Variants in KIAA1549L observed in about 807,000 individuals in gnomAD.
KIAA1549L encodes the protein KIAA1549 like.
Under a neutral mutation model 160.7 loss-of-function variants are expected in KIAA1549L, and 88 were observed. The observed-to-expected ratio is 0.55, with a 90% confidence interval of 0.46 to 0.65. The LOEUF is 0.65. Ranked by LOEUF, KIAA1549L falls within the 30% of genes least tolerant of loss-of-function variation. The pLI is 0.00. For synonymous variants in KIAA1549L, 950 were observed against 976.7 expected, an observed-to-expected ratio of 0.97 and a Z score of 0.51; for missense variants, 2,258 against 2,437.5, an observed-to-expected ratio of 0.93 and a Z score of 1.55.
At chr11:33,377,239 T>C (rs1447139466) in intron 1 of KIAA1549L, among the ~76,000 whole-genome samples, 1 of 152,202 alleles carries the variant, frequency 6.6e-6, no homozygotes, top group African/African-American at 2.4e-5. Context: ...TTGGGCTCTC[T>C]GTTGAGTGTC....
At chr11:33,627,602 T>G (rs1420802180) in intron 16 of KIAA1549L, among the ~76,000 whole-genome samples, 4 of 152,216 alleles carry the variant, frequency 2.6e-5, no homozygotes, top group African/African-American at 9.7e-5. Context: ...TCGGTGGTGA[T>G]ATCCCCTTTA....
intron 3 of KIAA1549L, among the ~76,000 whole-genome samples, chr11:33,546,867 TCAA>T (rs1474159841): frequency 6.6e-6 from 1 of 152,150 alleles, no homozygotes; most frequent in African/African-American, 2.4e-5. Context: ...GCAGTCAAGG[TCAA>T]CAACAACCAG....
At chr11:33,500,351 C>A (rs900602412) in intron 1 of KIAA1549L, among the ~76,000 whole-genome samples, 9 of 152,112 alleles carry the variant, frequency 5.9e-5, no homozygotes, top group African/African-American at 1.7e-4. Flanking sequence ...TAAAGACTCT[C>A]AAAAAGTGCC....
intron 1 of KIAA1549L, among the ~76,000 whole-genome samples, chr11:33,451,593 T>A (rs555702860): frequency 6.6e-6 from 1 of 152,374 alleles, no homozygotes; most frequent in Admixed American, 6.5e-5. Context: ...ATTTGTTTGC[T>A]TTGTAGCTGA....
At chr11:33,472,967 A>G (rs1253899276) in intron 1 of KIAA1549L, among the ~76,000 whole-genome samples, 2 of 152,162 alleles carry the variant, frequency 1.3e-5, no homozygotes, top group African/African-American at 4.8e-5. Context: ...GAACATGAGT[A>G]GGGGCTGCTT....
chr11:33,452,975 C>T (rs879771049), intron 1 of KIAA1549L, among the ~76,000 whole-genome samples: 3 of 152,204 alleles, frequency 2.0e-5, no homozygotes, highest in African/African-American at 7.2e-5. Flanking sequence ...GTGACTCAGA[C>T]ATGGCCAGAA....
intron 1 of KIAA1549L, among the ~76,000 whole-genome samples, chr11:33,440,373 G>T (rs540364636): frequency 3.3e-5 from 5 of 151,304 alleles, no homozygotes; most frequent in Non-Finnish European, 5.9e-5. Context: ...CTCGTGATCC[G>T]CCCGCCTCGG....
chr11:33,440,376 C>T (rs1460058175), intron 1 of KIAA1549L, among the ~76,000 whole-genome samples: 3 of 151,250 alleles, frequency 2.0e-5, no homozygotes, highest in Non-Finnish European at 4.4e-5. Flanking sequence ...GTGATCCGCC[C>T]GCCTCGGCCT....
intron 6 of KIAA1549L, among the ~76,000 whole-genome samples, chr11:33,552,994 A>G (rs979809723): frequency 3.9e-5 from 6 of 152,148 alleles, no homozygotes; most frequent in African/African-American, 1.4e-4. Flanking sequence ...TCCCTGGGAA[A>G]TGAATCATGG....
At chr11:33,667,166 C>T (rs895612764) in intron 20 of KIAA1549L, among the ~76,000 whole-genome samples, 5 of 152,148 alleles carry the variant, frequency 3.3e-5, no homozygotes, top group Non-Finnish European at 7.4e-5. Flanking sequence ...CACTGCACTA[C>T]AGCCTGGATG....
At chr11:33,563,663 T>C (rs1375263413) in intron 8 of KIAA1549L, among the ~76,000 whole-genome samples, 1 of 152,134 alleles carries the variant, frequency 6.6e-6, no homozygotes, top group Admixed American at 6.5e-5. Flanking sequence ...TTTTACCTGC[T>C]AAGAAGGCAA....
intron 1 of KIAA1549L, among the ~76,000 whole-genome samples, chr11:33,458,416 G>T (rs1201172504): frequency 3.9e-5 from 6 of 152,220 alleles, no homozygotes; most frequent in African/African-American, 1.2e-4. Context: ...TGACTGGATA[G>T]CTTCAAGTCA....
At chr11:33,535,263 T>C (rs531647862) in intron 1 of KIAA1549L, among the ~76,000 whole-genome samples, 5 of 152,318 alleles carry the variant, frequency 3.3e-5, no homozygotes, top group Admixed American at 6.5e-5. Flanking sequence ...GGCTTTCCCA[T>C]TGTGGCCTCT....
chr11:33,629,404 C>T lies in KIAA1549L; in HGVS notation c.5409+10742C>T, dbSNP rs1433911227. On this transcript the variant is annotated intron_variant, in intron 16 of 20. Coordinates refer to ENST00000658780, the MANE Select transcript of KIAA1549L (RefSeq NM_012194.3). ...GTGTTTTCCAACTTGGTTCCATTCT[C>T]CCCATGACTTTCAGGTACACCAATC... Among the ~76,000 whole-genome samples, 7 of 152,320 alleles carry T rather than the reference C, an allele frequency of 4.6e-5. 1 individual carries two copies. Among genetic ancestry groups the T allele is most frequent in the Admixed American group, 4.6e-4 (7 of 15,304 alleles).
At chr11:33,525,986 AAGAG>A (rs1180093281) in intron 1 of KIAA1549L, among the ~76,000 whole-genome samples, 1 of 151,924 alleles carries the variant, frequency 6.6e-6, no homozygotes, top group Non-Finnish European at 1.5e-5. Flanking sequence ...GCCCTGCCCA[AAGAG>A]AGTCTGAGTT....
chr11:33,509,446 C>G (rs1848580400), intron 1 of KIAA1549L, among the ~76,000 whole-genome samples: 1 of 152,174 alleles, frequency 6.6e-6, no homozygotes, highest in Non-Finnish European at 1.5e-5. Flanking sequence ...GGTACAAAGT[C>G]AAGCAAGCTC....
intron 1 of KIAA1549L, among the ~76,000 whole-genome samples, chr11:33,430,305 A>G (rs1851212865): frequency 7.1e-6 from 1 of 141,168 alleles, no homozygotes; most frequent in African/African-American, 2.7e-5. Context: ...TTCCCAACAT[A>G]TTTTTGGGAA....
intron 1 of KIAA1549L, among the ~76,000 whole-genome samples, chr11:33,471,585 G>C (rs1457041564): frequency 6.6e-6 from 1 of 152,132 alleles, no homozygotes; most frequent in Admixed American, 6.5e-5. Context: ...GTCTCATTCA[G>C]GTTTTGAAGA....
At chr11:33,536,945 C>T (rs1853907976) in intron 1 of KIAA1549L, among the ~76,000 whole-genome samples, 1 of 152,164 alleles carries the variant, frequency 6.6e-6, no homozygotes, top group South Asian at 2.1e-4. Flanking sequence ...TGCTCCTGTG[C>T]ATCACCTGCT....
Sources: allele counts gnomAD v4.1 joint callset (sites outside exome capture counted in the v4.1 genomes callset), GRCh38; gene constraint gnomAD v4.1.1; transcripts MANE v1.5; gene names NCBI Gene and HGNC (gene_info 2026-07-23, HGNC 2026-07-21).